Variants in NFIB observed in about 807,000 individuals in gnomAD.
NFIB encodes nuclear factor 1 B-type.
NFIB carries 11 observed loss-of-function variants against 61.5 expected under a neutral mutation model. The ratio of observed to expected loss-of-function variants is 0.18; its 90% CI spans 0.11 to 0.30. The LOEUF (loss-of-function observed/expected upper bound fraction) is 0.30. NFIB is among the 10% of genes least tolerant of loss of function. The pLI, the probability that NFIB is intolerant of heterozygous loss-of-function variation, is 1.00. For missense variants in NFIB, 471 were observed against 608.9 expected (o/e 0.77, Z 2.38); for synonymous variants, 260 against 216.5 (o/e 1.20, Z -1.76).
At chr9:14,115,072 T>C (rs1410604462) in intron 9 of NFIB, among the ~76,000 whole-genome samples, 1 of 152,176 alleles carries the variant, frequency 6.6e-6, no homozygotes, top group Non-Finnish European at 1.5e-5. Context: ...TAGGAACTTA[T>C]TAATTGACGG....
chr9:14,365,147 G>C (rs1398228436), intron 1 of NFIB, among the ~76,000 whole-genome samples: 1 of 152,214 alleles, frequency 6.6e-6, no homozygotes, highest in African/African-American at 2.4e-5. Flanking sequence ...CTTAGTAAAT[G>C]TTGGCTATTT....
chr9:14,477,811 G>A, the NFIB span, among the ~76,000 whole-genome samples: 2 of 152,238 alleles, frequency 1.3e-5, no homozygotes, highest in East Asian at 3.9e-4. Context: ...TTATCATTGG[G>A]TTCTTTTGTA....
intron 2 of NFIB, among the ~76,000 whole-genome samples, chr9:14,199,564 A>G (rs2048803793): frequency 6.6e-6 from 1 of 152,270 alleles, no homozygotes; most frequent in Non-Finnish European, 1.5e-5. Flanking sequence ...AGAGCTGGAA[A>G]AATTAAAAAC....
At chr9:14,148,705 G>T (rs978700892) in intron 5 of NFIB, among the ~76,000 whole-genome samples, 1 of 151,916 alleles carries the variant, frequency 6.6e-6, no homozygotes, top group Non-Finnish European at 1.5e-5. Context: ...ACTGCACTGT[G>T]TTTCCAAGCC....
At chr9:14,417,009 C>T in the NFIB span, among the ~76,000 whole-genome samples, 4 of 151,026 alleles carry the variant, frequency 2.6e-5, no homozygotes, top group East Asian at 7.8e-4. Context: ...TCTCCTGCCT[C>T]AGCCTCCCAA....
chr9:14,087,513 T>C lies in NFIB; in HGVS notation c.*796A>G. On this transcript the variant is annotated 3_prime_UTR_variant, in exon 11 of 11. Coordinates refer to ENST00000380953, the MANE Select transcript of NFIB (RefSeq NM_001190737.2). The stretch of plus-strand genomic sequence containing the variant: ...TTGCATGCAGAGAGAACACTTCACC[T>C]ACATAGAGGCATTTCTTCCATAGAG... The C allele has an allele frequency of 4.4e-6, 1 of 226,434 alleles. No homozygotes were observed. Among genetic ancestry groups the C allele is most frequent in the Non-Finnish European group, 8.8e-6 (1 of 113,482 alleles). 14.0% of individuals were successfully genotyped at this position (226,434 alleles called of 1,614,324 possible). A position where few individuals can be genotyped will look rare whatever the true frequency, so the allele number is the denominator to read the frequency against.
chr9:14,147,733 C>A (rs562920803), intron 5 of NFIB, among the ~76,000 whole-genome samples: 8 of 150,878 alleles, frequency 5.3e-5, no homozygotes, highest in African/African-American at 1.7e-4. Context: ...ACTCCACCTC[C>A]CAGGCTCAAA....
the NFIB span, among the ~76,000 whole-genome samples, chr9:14,404,321 C>G: frequency 3.3e-5 from 5 of 152,168 alleles, no homozygotes; most frequent in African/African-American, 1.2e-4. Context: ...TGAGTGACTA[C>G]CAAGTATCAG....
At chr9:14,265,294 G>T (rs1183787058) in intron 2 of NFIB, among the ~76,000 whole-genome samples, 1 of 152,154 alleles carries the variant, frequency 6.6e-6, no homozygotes, top group Non-Finnish European at 1.5e-5. Flanking sequence ...TTCACATGTT[G>T]AAGCCCAACC....
chr9:14,506,745 T>C, the NFIB span, among the ~76,000 whole-genome samples: 4 of 152,190 alleles, frequency 2.6e-5, no homozygotes, highest in African/African-American at 4.8e-5. Context: ...TTTAGGTGAA[T>C]ATTTTGCTGT....
the NFIB span, among the ~76,000 whole-genome samples, chr9:14,408,840 A>AT: frequency 6.6e-6 from 1 of 152,118 alleles, no homozygotes; most frequent in African/African-American, 2.4e-5. Flanking sequence ...CATAAATATC[A>AT]TTTTTTTAAT....
chr9:14,440,361 G>A, the NFIB span, among the ~76,000 whole-genome samples: 1 of 152,202 alleles, frequency 6.6e-6, no homozygotes, highest in Non-Finnish European at 1.5e-5. Context: ...AGAAGGAGCT[G>A]ATACCAATCG....
chr9:14,085,601 T>G lies in NFIB; in HGVS notation c.*2708A>C, dbSNP rs1267929239. ...AAGGGGAGATAAAATGAAAACAGGA[T>G]TTACTTTTTTGTTCCTTAAAAATTG... On this transcript the variant is annotated 3_prime_UTR_variant, in exon 11 of 11. Coordinates refer to ENST00000380953, the MANE Select transcript of NFIB (RefSeq NM_001190737.2). The G allele has an allele frequency of 9.1e-6, 2 of 220,220 alleles. No homozygotes were observed. Among genetic ancestry groups the G allele is most frequent in the Non-Finnish European group, 1.8e-5 (2 of 110,026 alleles). 13.6% of individuals were successfully genotyped at this position (220,220 alleles called of 1,614,324 possible). A position where few individuals can be genotyped will look rare whatever the true frequency, so the allele number is the denominator to read the frequency against.
At chr9:14,183,890 T>G (rs2047068220) in intron 2 of NFIB, among the ~76,000 whole-genome samples, 1 of 152,102 alleles carries the variant, frequency 6.6e-6, no homozygotes, top group African/African-American at 2.4e-5. Flanking sequence ...GGGTTAAACA[T>G]ATGTTTATTC....
At chr9:14,088,949 G>A (rs1382606978) in intron 10 of NFIB, among the ~76,000 whole-genome samples, 2 of 152,020 alleles carry the variant, frequency 1.3e-5, no homozygotes, top group Non-Finnish European at 2.9e-5. Context: ...TTTTAGTAAA[G>A]ACCGAACAAA....
the NFIB span, among the ~76,000 whole-genome samples, chr9:14,479,431 G>C: frequency 6.6e-6 from 1 of 152,198 alleles, no homozygotes; most frequent in Admixed American, 6.5e-5. Flanking sequence ...GGGTATGGTG[G>C]AGCTTTTGGC....
chr9:14,255,899 G>C (rs1302122236), intron 2 of NFIB, among the ~76,000 whole-genome samples: 1 of 152,194 alleles, frequency 6.6e-6, no homozygotes, highest in Non-Finnish European at 1.5e-5. Context: ...TGCTAGCATA[G>C]TATTACTGAA....
chr9:14,215,664 A>G (rs1487227604), intron 2 of NFIB, among the ~76,000 whole-genome samples: 1 of 152,236 alleles, frequency 6.6e-6, no homozygotes, highest in Admixed American at 6.5e-5. Context: ...ATTTGTTAAC[A>G]GTACTTTTTG....
At chr9:14,481,197 GTATATATATATATATATATA>G in the NFIB span, among the ~76,000 whole-genome samples, 29 of 45,824 alleles carry the variant, frequency 6.3e-4, 4 homozygotes, top group Admixed American at 2.1e-3. Context: ...GTGTGTGTGT[GTATATATATATATATATATA>G]TATATATATA....
Sources: allele counts gnomAD v4.1 joint callset (sites outside exome capture counted in the v4.1 genomes callset), GRCh38; gene constraint gnomAD v4.1.1; transcripts MANE v1.5; gene names NCBI Gene and HGNC (gene_info 2026-07-23, HGNC 2026-07-21).